The following PLXNC1 variants were observed in gnomAD, a reference collection of about 807,000 sequenced individuals.
The protein encoded by PLXNC1 is plexin C1.
PLXNC1 carries 75 observed loss-of-function variants against 178.2 expected under a neutral mutation model. The observed-to-expected ratio is 0.42, with a 90% confidence interval of 0.35 to 0.51. PLXNC1 has a LOEUF of 0.51. Ranked by LOEUF, PLXNC1 falls within the 20% of genes least tolerant of loss-of-function variation. The pLI is 0.02. For missense variants in PLXNC1, 1,503 were observed against 1,984.4 expected, an observed-to-expected ratio of 0.76 and a Z score of 4.61; for synonymous variants, 790 against 779.9, an observed-to-expected ratio of 1.01 and a Z score of -0.22.
At chr12:94,155,774 C>T (rs17298648) in intron 1 of PLXNC1, among the ~76,000 whole-genome samples, 21,829 of 152,152 alleles carry the variant, frequency 0.14, 2,037 homozygotes, top group Non-Finnish European at 0.19. Flanking sequence ...TTGTGCTGTA[C>T]GCCAGAACCA....
chr12:94,188,255 G>A (rs190527040), intron 4 of PLXNC1, among the ~76,000 whole-genome samples: 4 of 151,616 alleles, frequency 2.6e-5, no homozygotes, highest in African/African-American at 9.7e-5. Flanking sequence ...TACTGAGAAA[G>A]GCAGCTGAAA....
At chr12:94,225,639 T>C (rs1419063316) in intron 7 of PLXNC1, among the ~76,000 whole-genome samples, 1 of 152,196 alleles carries the variant, frequency 6.6e-6, no homozygotes, top group African/African-American at 2.4e-5. Flanking sequence ...AGGAACCGAC[T>C]AGCCCCAGGT....
Position 94,254,779 on chromosome 12 carries a change from T to C in PLXNC1, c.2882-8T>C. On this transcript the variant is annotated splice_region_variant and splice_polypyrimidine_tract_variant and intron_variant, in intron 15 of 30. Coordinates refer to ENST00000258526, the MANE Select transcript of PLXNC1 (RefSeq NM_005761.3). ...ATGTCCCTCTGATGCAGCATCTCTGTCTCTTAGCGGCCGTGGGGGTGACCA... is the reference window on the plus strand; with the variant it reads ...ATGTCCCTCTGATGCAGCATCTCTGCCTCTTAGCGGCCGTGGGGGTGACCA... 1.3e-6 allele frequency: 2 copies of C among 1,579,962 alleles called. No homozygotes were observed. Among genetic ancestry groups the C allele is most frequent in the Non-Finnish European group, 1.7e-6 (2 of 1,167,730 alleles).
chr12:94,251,484 ATTT>A lies in PLXNC1; in HGVS notation c.2839_2841del (p.Phe947del). 1 of 1,613,322 alleles carries A rather than the reference ATTT, an allele frequency of 6.2e-7. No homozygotes were observed. The highest frequency in any genetic ancestry group is 8.5e-7 in the Non-Finnish European group (1 of 1,179,340). ...CAGGAGTCAGTTCCTTCCACATGGT[ATTT>A]TCTGATTGTGCTCCCTGTCTTGCTA... On this transcript the variant is annotated inframe_deletion, in exon 15 of 31. Transcript: ENST00000258526.
rs1208252470 is a variant in PLXNC1 at position 94,307,026 on chromosome 12, G to A, written c.*1741G>A. 6.6e-6 allele frequency: 1 copy of A among 152,208 alleles called. No homozygotes were observed. Among genetic ancestry groups the A allele is most frequent in the Non-Finnish European group, 1.5e-5 (1 of 68,040 alleles). The allele number at this position is 152,208 out of a possible 1,614,324, so 9.4% of individuals were successfully genotyped here. A position where few individuals can be genotyped will look rare whatever the true frequency, so the allele number is the denominator to read the frequency against. On this transcript the variant is annotated 3_prime_UTR_variant, in exon 31 of 31. Coordinates refer to ENST00000258526, the MANE Select transcript of PLXNC1 (RefSeq NM_005761.3). ...TAGGAAAGTTGAGAGCCAAGGGTAG[G>A]AGAGTTGCCCAAAAGACTTCCCCTA...
At chr12:94,179,533 G>T (rs1962225937) in intron 2 of PLXNC1, among the ~76,000 whole-genome samples, 1 of 152,064 alleles carries the variant, frequency 6.6e-6, no homozygotes, top group Non-Finnish European at 1.5e-5. Flanking sequence ...CTCAGGTCAG[G>T]AGTTCAAGAC....
At chr12:94,240,410 T>G in intron 10 of PLXNC1, 75 bp from the exon 11 acceptor site, 1 of 1,122,532 alleles carries the variant, frequency 8.9e-7, no homozygotes. Flanking sequence ...GTGAAATTCA[T>G]TTGCTGTCAC....
intron 23 of PLXNC1, among the ~76,000 whole-genome samples, chr12:94,283,605 A>C (rs571779932): frequency 6.6e-6 from 1 of 152,278 alleles, no homozygotes; most frequent in East Asian, 1.9e-4. Flanking sequence ...CAGGGATGAG[A>C]GTTTTTAAGG....
chr12:94,177,219 G>A (rs1158199796), intron 2 of PLXNC1, among the ~76,000 whole-genome samples: 60 of 88,444 alleles, frequency 6.8e-4, no homozygotes, highest in African/African-American at 2.0e-3. Context: ...ATATGTGTGT[G>A]TATATATATA....
At chr12:94,262,982 A>G (rs924625078) in intron 20 of PLXNC1, among the ~76,000 whole-genome samples, 11 of 152,206 alleles carry the variant, frequency 7.2e-5, no homozygotes, top group African/African-American at 2.4e-4. Flanking sequence ...ACTGTGGGAC[A>G]GCACCAGGGT....
chr12:94,244,702 C>T (rs1964480746), intron 12 of PLXNC1, among the ~76,000 whole-genome samples: 1 of 152,200 alleles, frequency 6.6e-6, no homozygotes, highest in African/African-American at 2.4e-5. Flanking sequence ...TACACCAACA[C>T]TAACGATAGC....
intron 2 of PLXNC1, among the ~76,000 whole-genome samples, chr12:94,177,197 ATACG>A (rs1344338889): frequency 3.4e-3 from 132 of 38,790 alleles, no homozygotes; most frequent in African/African-American, 0.032. Flanking sequence ...GTATATATAT[ATACG>A]TATATATATA....
intron 5 of PLXNC1, among the ~76,000 whole-genome samples, chr12:94,210,470 T>C (rs1337976648): frequency 6.6e-6 from 1 of 152,214 alleles, no homozygotes; most frequent in Non-Finnish European, 1.5e-5. Context: ...AGTCCTCTGT[T>C]ATGAATAACT....
At chr12:94,270,515 A>G (rs965103603) in intron 21 of PLXNC1, among the ~76,000 whole-genome samples, 8 of 152,176 alleles carry the variant, frequency 5.3e-5, no homozygotes, top group African/African-American at 1.7e-4. Context: ...CTTCTGGGAC[A>G]CAGCAATGGA....
intron 1 of PLXNC1, among the ~76,000 whole-genome samples, chr12:94,157,486 T>C (rs1474452818): frequency 6.6e-6 from 1 of 152,256 alleles, no homozygotes; most frequent in African/African-American, 2.4e-5. Flanking sequence ...GGTTTTCTTA[T>C]TATGTTTTTT....
intron 2 of PLXNC1, among the ~76,000 whole-genome samples, chr12:94,181,052 A>G (rs551045467): frequency 2.6e-5 from 4 of 152,296 alleles, no homozygotes; most frequent in Admixed American, 6.5e-5. Context: ...TAGTGAGTGA[A>G]AAAGGATGTA....
intron 9 of PLXNC1, among the ~76,000 whole-genome samples, chr12:94,231,176 T>A (rs1207036483): frequency 6.6e-6 from 1 of 152,134 alleles, no homozygotes; most frequent in Non-Finnish European, 1.5e-5. Flanking sequence ...TGGTTAAGTC[T>A]TTGATTGATG....
rs1363449807 is a variant in PLXNC1, at chr12:94,277,823, A to G, written c.3598-1649A>G. 1.5e-5 allele frequency: 6 copies of G among 403,476 alleles called. No homozygotes were observed. In the East Asian group the frequency reaches 4.3e-4, roughly 29 times the overall value. The allele number at this position is 403,476 out of a possible 1,614,324, so 25.0% of individuals were successfully genotyped here. ...TTCCCAGCAGCCTGGCCCCGTGCTA[A>G]GCCCTTGAATGCATGATCACATTTA... On this transcript the variant is annotated intron_variant, in intron 21 of 30. Transcript: ENST00000258526.
intron 2 of PLXNC1, among the ~76,000 whole-genome samples, chr12:94,170,733 A>C (rs746640346): frequency 4.0e-5 from 6 of 150,876 alleles, no homozygotes; most frequent in Non-Finnish European, 8.9e-5. Flanking sequence ...TAGGCATTTG[A>C]TTTAATCTGT....
Sources: allele counts gnomAD v4.1 joint callset (sites outside exome capture counted in the v4.1 genomes callset), GRCh38; gene constraint gnomAD v4.1.1; transcripts MANE v1.5; gene names NCBI Gene and HGNC (gene_info 2026-07-23, HGNC 2026-07-21).